Variants in EXOC5 observed in about 807,000 individuals in gnomAD.
The protein encoded by EXOC5 is exocyst complex component 5.
In EXOC5, 17 loss-of-function variants were observed where a neutral mutation model predicts 90.8. That is an observed-to-expected ratio of 0.19 (90% CI 0.13 to 0.28). The LOEUF is 0.28. Ranked by LOEUF, EXOC5 falls within the 10% of genes least tolerant of loss-of-function variation. The pLI is 1.00. For synonymous variants in EXOC5, 260 were observed against 270.0 expected (o/e 0.96, Z 0.36); for missense variants, 569 against 830.6 (o/e 0.69, Z 3.87).
intron 10 of EXOC5, 66 bp downstream of exon 10, chr14:57,232,597 ACTTC>A (rs775856100): frequency 3.7e-5 from 24 of 651,676 alleles, no homozygotes; most frequent in Admixed American, 1.3e-4. Context: ...ATACCTGAAT[ACTTC>A]CTTGTTTTTA....
intron 1 of EXOC5, among the ~76,000 whole-genome samples, chr14:57,262,405 C>A (rs1027920533): frequency 2.0e-5 from 3 of 151,794 alleles, no homozygotes; most frequent in Non-Finnish European, 4.4e-5. Context: ...AAATTACCAC[C>A]CACATAAAGT....
chr14:57,217,869 A>G (rs1883018929), intron 15 of EXOC5, 113 bp downstream of exon 15: 4 of 665,062 alleles, frequency 6.0e-6, no homozygotes, highest in Non-Finnish European at 1.1e-5. Context: ...CAAATGTAGC[A>G]ATATGGTGGA....
chr14:57,202,149 G>A lies in EXOC5; in HGVS notation c.*6460C>T, dbSNP rs1164382574. ...AACAGAATCTAATTACGTGGAAACA[G>A]AAATCCAAATGTAGGGGTGTTTTAC... is the stretch of plus-strand genomic sequence containing the variant. On this transcript the variant is annotated 3_prime_UTR_variant, in exon 18 of 18. Transcript: ENST00000621441. The A allele has an allele frequency of 6.6e-6, 1 of 152,094 alleles. No individual in the cohort carries two copies. The highest frequency in any genetic ancestry group is 1.5e-5 in the Non-Finnish European group (1 of 68,014). 9.4% of individuals were successfully genotyped at this position (152,094 alleles called of 1,614,324 possible). A position where few individuals can be genotyped will look rare whatever the true frequency, so the allele number is the denominator to read the frequency against.
In EXOC5 at chr14:57,232,620, A is replaced by T. The variant is rs747566375; in HGVS notation, c.938+47T>A. The T allele has an allele frequency of 7.2e-5, 60 of 833,876 alleles. No individual in the cohort carries two copies. In the African/African-American group the frequency reaches 9.6e-4, roughly 13 times the overall value. 51.7% of individuals were successfully genotyped at this position (833,876 alleles called of 1,614,324 possible). A position where few individuals can be genotyped will look rare whatever the true frequency, so the allele number is the denominator to read the frequency against. ...ATACTTCCTTGTTTTTATCAAAAAAATTTAAAAAATCTGTTATCTATTATT... is the reference window on the plus strand; with the variant it reads ...ATACTTCCTTGTTTTTATCAAAAAATTTTAAAAAATCTGTTATCTATTATT... On this transcript the variant is annotated intron_variant, in intron 10 of 17. Transcript: ENST00000621441.
chr14:57,268,617 C>T lies in EXOC5; in HGVS notation c.27+5G>A. On this transcript the variant is annotated splice_donor_5th_base_variant and intron_variant, in intron 1 of 17. Coordinates refer to ENST00000621441, the MANE Select transcript of EXOC5 (RefSeq NM_006544.4). The stretch of plus-strand genomic sequence containing the variant: ...GCCACTCCCTGTAGAGCCGCCGGGG[C>T]CCACCTCGAAGAGCTCGGCCGTGGT... The T allele has an allele frequency of 6.3e-7, 1 of 1,588,714 alleles. No individual in the cohort carries two copies.
chr14:57,267,746 C>G (rs1279045159), intron 1 of EXOC5, among the ~76,000 whole-genome samples: 1 of 152,018 alleles, frequency 6.6e-6, no homozygotes, highest in Non-Finnish European at 1.5e-5. Context: ...ACGGACTTCA[C>G]GAAATTAAAT....
chr14:57,237,270 C>G (rs1442811289), intron 6 of EXOC5, 68 bp downstream of exon 6: 16 of 825,816 alleles, frequency 1.9e-5, no homozygotes, highest in Admixed American at 4.3e-5. Flanking sequence ...TCTCCTTTTG[C>G]TGTTTTATTT....
At chr14:57,255,327 C>T (rs1884319513) in intron 1 of EXOC5, among the ~76,000 whole-genome samples, 1 of 152,132 alleles carries the variant, frequency 6.6e-6, no homozygotes, top group African/African-American at 2.4e-5. Flanking sequence ...GAATATTTTA[C>T]TTTGATAGAA....
At chr14:57,224,172 T>C (rs1883233713) in intron 12 of EXOC5, among the ~76,000 whole-genome samples, 1 of 150,582 alleles carries the variant, frequency 6.6e-6, no homozygotes, top group Non-Finnish European at 1.5e-5. Context: ...AAACAGGGGG[T>C]TTGGGGTGAG....
intron 6 of EXOC5, 73 bp downstream of exon 6, chr14:57,237,265 T>C: frequency 1.2e-6 from 1 of 812,876 alleles, no homozygotes; most frequent in African/African-American, 1.7e-5. Flanking sequence ...CTTTTTCTCC[T>C]TTTGCTGTTT....
Position 57,235,758 on chromosome 14 carries a change from C to G in EXOC5, c.622G>C (p.Glu208Gln), listed in dbSNP as rs1269220095. 2 of 1,559,212 alleles carry G rather than the reference C, an allele frequency of 1.3e-6. No individual in the cohort carries two copies. The highest frequency in any genetic ancestry group is 1.7e-6 in the Non-Finnish European group (2 of 1,149,334). The change falls in exon 7 of 18, where the codon GAA (glutamate) becomes CAA (glutamine). Residue 208 changes from glutamate (E) to glutamine (Q), a missense_variant. By Grantham distance (29) the Glu-to-Gln change is conservative. Around this residue, in one of 9 missense-constraint regions of EXOC5, gnomAD observed 97 missense variants for 177.9 expected, o/e 0.55. Coordinates refer to ENST00000621441, the MANE Select transcript of EXOC5 (RefSeq NM_006544.4). Reference protein sequence around the residue: ...QEFTSAQRRGEISRMREVAAV... With the variant: ...QEFTSAQRRGQISRMREVAAV... ...GCTACTTCTCTCATTCTGGAGATTT[C>G]ACCTCTTCTTTGAGCACTGGTAAAC... is the stretch of plus-strand genomic sequence containing the variant.
intron 12 of EXOC5, 90 bp from the exon 13 acceptor site, chr14:57,222,506 T>C: frequency 1.6e-6 from 1 of 624,958 alleles, no homozygotes; most frequent in Non-Finnish European, 2.8e-6. Flanking sequence ...TTATAGGATG[T>C]AGTCAGTGTT....
rs746160080 is a variant in EXOC5 at position 57,208,692 on chromosome 14, T to G, written c.2044A>C (p.Asn682His). The change falls in exon 18 of 18, where the codon AAT becomes CAT. Residue 682 changes from asparagine (N) to histidine (H), a missense_variant. Coordinates refer to ENST00000621441, the MANE Select transcript of EXOC5 (RefSeq NM_006544.4). ...GAGTGAAGTATATTCTTGTCCAGAT[T>G]AGCAAGTTGTTCTCCTGAGCAGACT... ...KQVCSGEQLANLDKNILHSFV... is the reference protein window; with the variant it reads ...KQVCSGEQLAHLDKNILHSFV... 6.2e-7 allele frequency: 1 copy of G among 1,612,712 alleles called. No homozygotes were observed. The highest frequency in any genetic ancestry group is 8.5e-7 in the Non-Finnish European group (1 of 1,179,312).
intron 17 of EXOC5, 41 bp downstream of exon 17, chr14:57,209,526 C>CT (rs1478412298): frequency 9.0e-7 from 1 of 1,108,246 alleles, no homozygotes; most frequent in Non-Finnish European, 1.4e-6. Flanking sequence ...ACTTATGCTC[C>CT]TGGGCCTATT....
At chr14:57,262,561 T>TATATATATATAC (rs1342269253) in intron 1 of EXOC5, among the ~76,000 whole-genome samples, 1 of 148,414 alleles carries the variant, frequency 6.7e-6, no homozygotes, top group Non-Finnish European at 1.5e-5. Context: ...TGTGTGTGTG[T>TATATATATATAC]GTGTATATAT....
rs866762325 is a variant in EXOC5 at position 57,210,205 on chromosome 14, T to G, written c.1614-144A>C. 30 of 530,116 alleles carry G rather than the reference T, an allele frequency of 5.7e-5. No individual in the cohort carries two copies. In the Middle Eastern group the frequency reaches 2.0e-3, roughly 36 times the overall value. 32.8% of individuals were successfully genotyped at this position (530,116 alleles called of 1,614,324 possible). ...TTTTACTATTGGTAAACTTTAGATA[T>G]TAGAAAAAGTCAGCTCTAGGTCTTA... On this transcript the variant is annotated intron_variant, in intron 15 of 17. Transcript: ENST00000621441.
intron 1 of EXOC5, among the ~76,000 whole-genome samples, chr14:57,249,614 T>TA (rs1436879970): frequency 4.6e-5 from 7 of 151,724 alleles, no homozygotes; most frequent in Admixed American, 1.3e-4. Context: ...CAGGAAATAG[T>TA]AAAAAAAGGA....
At chr14:57,222,944 A>G (rs1594654739) in intron 12 of EXOC5, among the ~76,000 whole-genome samples, 1 of 152,134 alleles carries the variant, frequency 6.6e-6, no homozygotes, top group East Asian at 1.9e-4. Context: ...ACTGGGGAGT[A>G]AAGATGGAGA....
Position 57,204,431 on chromosome 14 carries a change from G to A in EXOC5, c.*4178C>T, listed in dbSNP as rs1944880037. 1 of 151,982 alleles carries A rather than the reference G, an allele frequency of 6.6e-6. No individual in the cohort carries two copies. Among genetic ancestry groups the A allele is most frequent in the Non-Finnish European group, 1.5e-5 (1 of 67,942 alleles). The allele number at this position is 151,982 out of a possible 1,614,324, so 9.4% of individuals were successfully genotyped here. On this transcript the variant is annotated 3_prime_UTR_variant, in exon 18 of 18. Coordinates refer to ENST00000621441, the MANE Select transcript of EXOC5 (RefSeq NM_006544.4). ...GATTACATGAAAATGACTATCTACT[G>A]TTAATATACTAAATATTTTGCCTTA... is the stretch of plus-strand genomic sequence containing the variant.
Sources: allele counts gnomAD v4.1 joint callset (sites outside exome capture counted in the v4.1 genomes callset), GRCh38; gene constraint gnomAD v4.1.1; regional missense constraint gnomAD v4.1.1; transcripts MANE v1.5; gene names NCBI Gene and HGNC (gene_info 2026-07-23, HGNC 2026-07-21).